The following BCAS3 variants were observed in gnomAD, a reference collection of about 807,000 sequenced individuals.
BCAS3 encodes BCAS3 microtubule associated cell migration factor, also known as BCAS4/BCAS3 fusion.
Under a neutral mutation model 116.1 loss-of-function variants are expected in BCAS3, and 53 were observed. The observed-to-expected ratio is 0.46, with a 90% CI of 0.37 to 0.57. The LOEUF (loss-of-function observed/expected upper bound fraction) is 0.57, where lower values mean the gene tolerates loss of function less well. Ranked by LOEUF, BCAS3 falls within the 20% of genes least tolerant of loss-of-function variation. The pLI is 0.00. For missense variants in BCAS3, 917 were observed against 1,165.4 expected (o/e 0.79, Z 3.10); for synonymous variants, 391 against 408.2 (o/e 0.96, Z 0.51).
chr17:61,150,737 A>G (rs1156831250), intron 22 of BCAS3, among the ~76,000 whole-genome samples: 2 of 152,220 alleles, frequency 1.3e-5, no homozygotes, highest in African/African-American at 4.8e-5. Context: ...ACTGAGGCCA[A>G]GTTGTAAATG....
intron 14 of BCAS3, among the ~76,000 whole-genome samples, chr17:60,980,081 C>T (rs1026450520): frequency 1.3e-5 from 2 of 152,092 alleles, no homozygotes; most frequent in African/African-American, 4.8e-5. Context: ...GTACCAGTTC[C>T]TCCTTGTACC....
chr17:60,891,620 C>T (rs2057155095), intron 10 of BCAS3: 1 of 450,272 alleles, frequency 2.2e-6, no homozygotes, highest in Non-Finnish European at 4.5e-6. Context: ...AGTGAAAATG[C>T]TCTTTGACTA....
chr17:61,172,868 G>A (rs1283339604), intron 22 of BCAS3, among the ~76,000 whole-genome samples: 2 of 151,732 alleles, frequency 1.3e-5, no homozygotes, highest in African/African-American at 2.4e-5. Context: ...GGCACCTGTA[G>A]TCCCAGCTAC....
At chr17:60,916,576 T>C (rs1386310704) in intron 12 of BCAS3, among the ~76,000 whole-genome samples, 1 of 152,230 alleles carries the variant, frequency 6.6e-6, no homozygotes, top group African/African-American at 2.4e-5. Flanking sequence ...AGATATCCTT[T>C]TTAATGAATT....
Position 61,180,704 on chromosome 17 carries a change from G to A in BCAS3, c.2425+96140G>A, listed in dbSNP as rs1402473172. On this transcript the variant is annotated intron_variant, in intron 22 of 23. Transcript: ENST00000407086. This position sits in a 1 kb window ranked among gnomAD's most constrained non-coding sequence, Gnocchi z 6.0. ...TCGTGTCTGCACAGTGGAACATAAAGCAGCAGCTTAGATGGCATATGGCAC... is the reference window on the plus strand; with the variant it reads ...TCGTGTCTGCACAGTGGAACATAAAACAGCAGCTTAGATGGCATATGGCAC... Among the ~76,000 whole-genome samples the A allele has an allele frequency of 6.6e-6, 1 of 152,226 alleles. No homozygotes were observed. Among genetic ancestry groups the A allele is most frequent in the Non-Finnish European group, 1.5e-5 (1 of 68,038 alleles).
intron 12 of BCAS3, among the ~76,000 whole-genome samples, chr17:60,917,180 A>T (rs532968102): frequency 6.6e-6 from 1 of 152,256 alleles, no homozygotes; most frequent in Non-Finnish European, 1.5e-5. Context: ...ATTATTTAAC[A>T]ATATAAAATG....
At chr17:61,383,373 G>C (rs2059694137) in intron 23 of BCAS3, 1 of 152,358 alleles carries the variant, frequency 6.6e-6, no homozygotes, top group Admixed American at 6.5e-5. Context: ...CCCAGCAGTG[G>C]AAGGACACTG....
At chr17:60,922,919 T>G (rs2059181342) in intron 12 of BCAS3, among the ~76,000 whole-genome samples, 2 of 152,102 alleles carry the variant, frequency 1.3e-5, no homozygotes, top group African/African-American at 4.8e-5. Context: ...ATATAAAAAT[T>G]TATGGAGTAT....
Position 60,830,866 on chromosome 17 carries a change from A to T in BCAS3, c.476+22790A>T, listed in dbSNP as rs529551750. Among the ~76,000 whole-genome samples, 80 of 146,188 alleles carry T rather than the reference A, an allele frequency of 5.5e-4. No individual in the cohort carries two copies. The East Asian group carries it at 0.013, about 24-fold the overall frequency. On this transcript the variant is annotated intron_variant, in intron 7 of 23. Transcript: ENST00000407086. ...AATTTTTGGGTTTTTTTTTTTTTTT[A>T]AATAAACATCCTTTTGTTTTTTTAA...
Position 60,744,412 on chromosome 17 carries a change from A to G in BCAS3, c.322-2786A>G, listed in dbSNP as rs376019394. Reference sequence around the variant, plus strand: ...ATGTATAAAATTATTATTCAGAAAGATAGCTAAAGCAGAATCTGTAAAGAC... The same window carrying G: ...ATGTATAAAATTATTATTCAGAAAGGTAGCTAAAGCAGAATCTGTAAAGAC... On this transcript the variant is annotated intron_variant, in intron 5 of 23. Coordinates refer to ENST00000407086, the MANE Select transcript of BCAS3 (RefSeq NM_017679.5). Among the ~76,000 whole-genome samples the G allele has an allele frequency of 3.2e-4, 49 of 152,320 alleles. No individual in the cohort carries two copies. The East Asian group carries it at 6.0e-3, about 19-fold the overall frequency.
rs532862850 is a variant in BCAS3, at chr17:61,371,716, A to G, written c.2593+3222A>G. ...ATAATTTTTATTTGTCAATTAAAAAATATATATTTTTTTAAAAGTGTGGTC... is the reference window on the plus strand; with the variant it reads ...ATAATTTTTATTTGTCAATTAAAAAGTATATATTTTTTTAAAAGTGTGGTC... On this transcript the variant is annotated intron_variant, in intron 23 of 23. Transcript: ENST00000407086. 5.3e-5 allele frequency among the ~76,000 whole-genome samples: 8 copies of G among 152,274 alleles called. No individual in the cohort carries two copies. In the East Asian group the frequency reaches 1.5e-3, roughly 29 times the overall value.
chr17:60,759,953 A>G (rs1056796162), intron 6 of BCAS3, among the ~76,000 whole-genome samples: 2 of 152,190 alleles, frequency 1.3e-5, no homozygotes, highest in Non-Finnish European at 2.9e-5. Flanking sequence ...AGGTGTGGCC[A>G]CCATGCCAAG....
At chr17:61,201,792 T>C (rs2080836497) in intron 22 of BCAS3, among the ~76,000 whole-genome samples, 1 of 149,566 alleles carries the variant, frequency 6.7e-6, no homozygotes, top group African/African-American at 2.5e-5. Flanking sequence ...AGGGTCTCGC[T>C]CTGTCGCCCA....
intron 6 of BCAS3, among the ~76,000 whole-genome samples, chr17:60,780,973 C>T (rs938773828): frequency 4.0e-5 from 6 of 151,748 alleles, no homozygotes; most frequent in Non-Finnish European, 8.8e-5. Flanking sequence ...GTCTTTTTTG[C>T]CATCTTTTTT....
intron 8 of BCAS3, among the ~76,000 whole-genome samples, chr17:60,870,339 G>T (rs2054994676): frequency 6.6e-6 from 1 of 152,104 alleles, no homozygotes; most frequent in South Asian, 2.1e-4. Flanking sequence ...GGAATTTATT[G>T]GTGCAGAAGG....
chr17:60,777,587 G>T (rs7208542), intron 6 of BCAS3, among the ~76,000 whole-genome samples: 3 of 151,836 alleles, frequency 2.0e-5, no homozygotes, highest in African/African-American at 4.9e-5. Flanking sequence ...GATCATGCCA[G>T]TGCACTCCAG....
At position 61,198,291 on chromosome 17, in the gene BCAS3, C is replaced by T. The variant is rs2080615552; in HGVS notation, c.2425+113727C>T. The stretch of plus-strand genomic sequence containing the variant: ...AAGTAGCTGGGACTACAGGCGCCAG[C>T]CACCACACCCAGCTAATTTTTTGCA... On this transcript the variant is annotated intron_variant, in intron 22 of 23. Coordinates refer to ENST00000407086, the MANE Select transcript of BCAS3 (RefSeq NM_017679.5). This position sits in a 1 kb window ranked among gnomAD's most constrained non-coding sequence, Gnocchi z 5.0. Among the ~76,000 whole-genome samples the T allele has an allele frequency of 6.6e-6, 1 of 152,022 alleles. No individual in the cohort carries two copies. The highest frequency in any genetic ancestry group is 2.4e-5 in the African/African-American group (1 of 41,380).
rs2066384004 is a variant in BCAS3, at chr17:61,028,068, G to A, written c.1638-6598G>A. On this transcript the variant is annotated intron_variant, in intron 16 of 23. Coordinates refer to ENST00000407086, the MANE Select transcript of BCAS3 (RefSeq NM_017679.5). The surrounding 1 kb of genome is among the most constrained non-coding windows in gnomAD (Gnocchi z 4.3). The stretch of plus-strand genomic sequence containing the variant: ...TGTGTAGTTCTCATAACTGCTAAAT[G>A]GGGATTGTTCATACTGTTCTATTAC... Among the ~76,000 whole-genome samples, 1 of 151,646 alleles carries A rather than the reference G, an allele frequency of 6.6e-6. No individual in the cohort carries two copies. The highest frequency in any genetic ancestry group is 6.6e-5 in the Admixed American group (1 of 15,210).
intron 6 of BCAS3, among the ~76,000 whole-genome samples, chr17:60,770,944 T>A (rs2044641009): frequency 7.0e-6 from 1 of 143,230 alleles, no homozygotes; most frequent in Non-Finnish European, 1.5e-5. Flanking sequence ...GCCTCCCAAG[T>A]AGCTGGGATT....
Sources: gnomAD v4.1 joint callset for allele counts (sites outside exome capture counted in the v4.1 genomes callset) on GRCh38, gnomAD v4.1.1 for gene constraint, Gnocchi (gnomAD v3.1) non-coding constraint, MANE v1.5 for transcripts, NCBI Gene and HGNC (gene_info 2026-07-23, HGNC 2026-07-21) for gene names.